Variants in HRH4 observed in about 807,000 individuals in gnomAD.
HRH4 encodes the protein histamine receptor H4.
A neutral mutation model predicts 10.4 loss-of-function variants in HRH4; 12 were observed. The observed-to-expected ratio is 1.15, with a 90% CI of 0.74 to 1.87. The LOEUF (loss-of-function observed/expected upper bound fraction) is 1.87. HRH4 is among the 40% of genes most tolerant of loss of function. The probability of loss-of-function intolerance (pLI) is 0.00; values close to 1 mark genes in which losing one functional copy is unlikely to be tolerated. For missense variants in HRH4, 415 were observed against 453.3 expected, an observed-to-expected ratio of 0.92 and a Z score of 0.77; for synonymous variants, 154 against 166.6, an observed-to-expected ratio of 0.92 and a Z score of 0.58.
In HRH4 at chr18:24,478,939, A is replaced by G. The variant is rs946125142; in HGVS notation, c.*1377A>G. ...AAAATTTTTAAAAAGGTTTTTTGAG[A>G]CAGATTCTTGCTCTGTCACCCAGGC... On this transcript the variant is annotated 3_prime_UTR_variant, in exon 3 of 3. Transcript: ENST00000256906. 2 of 152,178 alleles carry G rather than the reference A, an allele frequency of 1.3e-5. No individual in the cohort carries two copies. Among genetic ancestry groups the G allele is most frequent in the Non-Finnish European group, 2.9e-5 (2 of 68,034 alleles). The allele number at this position is 152,178 out of a possible 1,614,324, so 9.4% of individuals were successfully genotyped here.
chr18:24,464,307 G>A (rs1001912449), intron 1 of HRH4, among the ~76,000 whole-genome samples: 3 of 152,134 alleles, frequency 2.0e-5, no homozygotes, highest in African/African-American at 7.2e-5. Flanking sequence ...GTCCTCAAGA[G>A]GCCTTTCTCT....
chr18:24,473,859 T>C (rs184664596), intron 2 of HRH4, among the ~76,000 whole-genome samples: 65 of 152,230 alleles, frequency 4.3e-4, no homozygotes, highest in Middle Eastern at 3.4e-3. Context: ...GGATATTTTA[T>C]TGGGGCGGGA....
chr18:24,472,589 C>T (rs1910001142), intron 2 of HRH4, among the ~76,000 whole-genome samples: 1 of 152,170 alleles, frequency 6.6e-6, no homozygotes. Context: ...TTCAAAGACA[C>T]TGGGATCCCA....
At chr18:24,461,253 C>CTTATTATTAGG (rs1909629936) in intron 1 of HRH4, among the ~76,000 whole-genome samples, 2 of 151,996 alleles carry the variant, frequency 1.3e-5, no homozygotes, top group Non-Finnish European at 2.9e-5. Context: ...TATAAGTATT[C>CTTATTATTAGG]CTCTTTAAGT....
intron 1 of HRH4, 58 bp downstream of exon 1, chr18:24,460,979 C>G: frequency 8.2e-7 from 1 of 1,223,396 alleles, no homozygotes; most frequent in Non-Finnish European, 1.1e-6. Flanking sequence ...ATTTCTAAAT[C>G]CTTAAAATAA....
At chr18:24,465,539 A>G (rs1034988432) in intron 1 of HRH4, among the ~76,000 whole-genome samples, 3 of 152,202 alleles carry the variant, frequency 2.0e-5, no homozygotes, top group African/African-American at 7.2e-5. Context: ...ACTGGCTCTT[A>G]GTTTTACTTA....
At position 24,476,935 on chromosome 18, in the gene HRH4, A is replaced by G. The variant is rs1357744969; in HGVS notation, c.546A>G (p.Glu182=). The G allele has an allele frequency of 4.3e-6, 7 of 1,614,162 alleles. No individual in the cohort carries two copies. The highest frequency in any genetic ancestry group is 5.9e-6 in the Non-Finnish European group (7 of 1,180,032). ...TCCTTGCCATCACATCATTCTTGGA[A>G]TTCGTGATCCCAGTCATCTTAGTCG... is the stretch of plus-strand genomic sequence containing the variant. The part of the protein sequence containing the change: ...WYILAITSFL[E]FVIPVILVAY... The change falls in exon 3 of 3, where the codon GAA becomes GAG. Residue 182 remains glutamate, a synonymous_variant. Transcript: ENST00000256906.
intron 2 of HRH4, 60 bp from the exon 3 acceptor site, chr18:24,476,687 G>A: frequency 1.6e-6 from 2 of 1,258,550 alleles, no homozygotes; most frequent in Non-Finnish European, 2.3e-6. Context: ...GGATCTATGA[G>A]ATACTTTATG....
Position 24,468,967 on chromosome 18 carries a change from A to C in HRH4, c.357+16A>C. The C allele has an allele frequency of 6.3e-7, 1 of 1,576,184 alleles. No homozygotes were observed. Among genetic ancestry groups the C allele is most frequent in the Non-Finnish European group, 8.6e-7 (1 of 1,160,606 alleles). On this transcript the variant is annotated intron_variant, in intron 2 of 2. Transcript: ENST00000256906. ...CTCAAATGCTGTAAGTCGAAACATT[A>C]ATTTATCCCCCTTAGAAGATTATGT...
chr18:24,473,222 A>G lies in HRH4; in HGVS notation c.358-3525A>G, dbSNP rs182383878. ...AAGAAGGGTATTTCTTTACCTGCAG[A>G]TGAAGAAAGAAACTTGACAGTAAAA... On this transcript the variant is annotated intron_variant, in intron 2 of 2. Coordinates refer to ENST00000256906, the MANE Select transcript of HRH4 (RefSeq NM_021624.4). Among the ~76,000 whole-genome samples the G allele has an allele frequency of 5.4e-3, 830 of 152,302 alleles. 10 individuals are homozygous for G. Among genetic ancestry groups the G allele is most frequent in the African/African-American group, 0.019 (792 of 41,560 alleles).
intron 1 of HRH4, among the ~76,000 whole-genome samples, chr18:24,464,743 G>C (rs1909730041): frequency 6.6e-6 from 1 of 152,098 alleles, no homozygotes; most frequent in Admixed American, 6.5e-5. Context: ...TTTGAAGGAG[G>C]CACTTTCTGA....
At chr18:24,471,565 C>T (rs2063149655) in intron 2 of HRH4, among the ~76,000 whole-genome samples, 1 of 125,566 alleles carries the variant, frequency 8.0e-6, no homozygotes. Context: ...TGAGATTGCA[C>T]CATTGTACTC....
At chr18:24,466,287 A>ATT (rs398032181) in intron 1 of HRH4, among the ~76,000 whole-genome samples, 28,864 of 129,080 alleles carry the variant, frequency 0.22, 3,759 homozygotes, top group African/African-American at 0.31. Context: ...TAATTTTTGT[A>ATT]TTTTTTTTTT....
rs1219988570 is a variant in HRH4, at chr18:24,460,858, A to G, written c.130A>G (p.Lys44Glu). The G allele has an allele frequency of 1.3e-6, 2 of 1,587,998 alleles. No homozygotes were observed. Among genetic ancestry groups the G allele is most frequent in the East Asian group, 2.3e-5 (1 of 44,406 alleles). The change falls in exon 1 of 3, where the codon AAA becomes GAA. Residue 44 changes from lysine to glutamate, a missense_variant. Transcript: ENST00000256906. ...ALVILAFVVD[K>E]NLRHRSSYFF... ...GGTCATTTTAGCTTTTGTGGTGGAC[A>G]AAAACCTTAGACATCGAAGTAGTTA...
At chr18:24,472,773 G>A (rs1240064985) in intron 2 of HRH4, among the ~76,000 whole-genome samples, 1 of 152,188 alleles carries the variant, frequency 6.6e-6, no homozygotes, top group African/African-American at 2.4e-5. Flanking sequence ...GTTTTCTGGA[G>A]GTGCAGATTC....
rs1350838072 is a variant in HRH4, at chr18:24,468,771, A to G, written c.194-17A>G. ...TGATGTGCGCTATGTTTTTACACTT[A>G]TGTTTTCCCTGTGCAGGTGTGATCT... is the stretch of plus-strand genomic sequence containing the variant. On this transcript the variant is annotated splice_polypyrimidine_tract_variant and intron_variant, in intron 1 of 2. Transcript: ENST00000256906. The G allele has an allele frequency of 3.7e-6, 6 of 1,604,310 alleles. No homozygotes were observed. In the African/African-American group the frequency reaches 5.4e-5, roughly 14 times the overall value.
intron 1 of HRH4, among the ~76,000 whole-genome samples, chr18:24,461,388 A>G (rs1909633953): frequency 6.6e-6 from 1 of 152,186 alleles, no homozygotes; most frequent in South Asian, 2.1e-4. Flanking sequence ...GTATTAATTT[A>G]ATGATATGGC....
At chr18:24,472,932 A>T (rs1910013925) in intron 2 of HRH4, among the ~76,000 whole-genome samples, 1 of 152,182 alleles carries the variant, frequency 6.6e-6, no homozygotes, top group Admixed American at 6.5e-5. Context: ...AGGCTGGCAG[A>T]TCACTTGAGG....
At chr18:24,470,479 G>C (rs1307121541) in intron 2 of HRH4, among the ~76,000 whole-genome samples, 2 of 147,400 alleles carry the variant, frequency 1.4e-5, no homozygotes, top group African/African-American at 5.0e-5. Context: ...CCAAACAGGT[G>C]GTGGGCCACA....
Sources: gnomAD v4.1 joint callset for allele counts (sites outside exome capture counted in the v4.1 genomes callset) on GRCh38, gnomAD v4.1.1 for gene constraint, MANE v1.5 for transcripts, NCBI Gene and HGNC (gene_info 2026-07-23, HGNC 2026-07-21) for gene names.